Variants in ASIC2 observed in about 807,000 individuals in gnomAD.
ASIC2 encodes acid-sensing ion channel 2.
In ASIC2, 25 loss-of-function variants were observed where a neutral mutation model predicts 57.3. The observed-to-expected ratio is 0.44, with a 90% confidence interval of 0.32 to 0.61. The LOEUF is 0.61. Among genes scored for constraint, ASIC2 ranks in the 20% least tolerant of loss-of-function variants. The pLI is 0.06. For missense variants in ASIC2, 641 were observed against 738.1 expected, an observed-to-expected ratio of 0.87 and a Z score of 1.52; for synonymous variants, 319 against 307.5, an observed-to-expected ratio of 1.04 and a Z score of -0.39.
chr17:33,890,115 A>G (rs567790811), intron 1 of ASIC2, among the ~76,000 whole-genome samples: 1 of 152,322 alleles, frequency 6.6e-6, no homozygotes, highest in South Asian at 2.1e-4. Flanking sequence ...TTAAAAAAGT[A>G]AAAATTCCAT....
intron 1 of ASIC2, among the ~76,000 whole-genome samples, chr17:33,687,719 G>A (rs990316432): frequency 6.6e-6 from 1 of 152,190 alleles, no homozygotes; most frequent in African/African-American, 2.4e-5. Context: ...TTATTCATTG[G>A]ATGTAGTTTA....
chr17:33,418,549 G>C (rs1041386825), intron 1 of ASIC2, among the ~76,000 whole-genome samples: 6 of 152,130 alleles, frequency 3.9e-5, no homozygotes, highest in African/African-American at 1.4e-4. Flanking sequence ...TTTTGTATAA[G>C]GTGTAAGGAA....
At chr17:33,039,417 A>G (rs73984933) in intron 3 of ASIC2, among the ~76,000 whole-genome samples, 4,646 of 152,054 alleles carry the variant, frequency 0.031, 190 homozygotes, top group African/African-American at 0.098. Context: ...ACTATTTAAG[A>G]GCCTGTGCTC....
At chr17:33,430,223 G>A (rs982072419) in intron 1 of ASIC2, among the ~76,000 whole-genome samples, 1 of 152,126 alleles carries the variant, frequency 6.6e-6, no homozygotes, top group African/African-American at 2.4e-5. Flanking sequence ...CTGGGCCTCA[G>A]TGCCTTCTCT....
chr17:33,650,398 A>G (rs530888126), intron 1 of ASIC2, among the ~76,000 whole-genome samples: 16 of 152,332 alleles, frequency 1.1e-4, no homozygotes, highest in Admixed American at 1.0e-3. Context: ...GTAAAATGAC[A>G]CAGCTACCCT....
At chr17:33,478,522 G>A (rs990033801) in intron 1 of ASIC2, among the ~76,000 whole-genome samples, 10 of 152,206 alleles carry the variant, frequency 6.6e-5, no homozygotes, top group African/African-American at 2.4e-4. Flanking sequence ...GGTGGCCTGA[G>A]AGGTCGCTTC....
intron 1 of ASIC2, among the ~76,000 whole-genome samples, chr17:33,425,929 A>G (rs1485985379): frequency 6.6e-6 from 1 of 152,178 alleles, no homozygotes; most frequent in Non-Finnish European, 1.5e-5. Flanking sequence ...CGCAGCGCCA[A>G]CAAAAATGGC....
intron 3 of ASIC2, 49 bp downstream of exon 3, chr17:33,088,814 G>T (rs2092146035): frequency 1.9e-6 from 3 of 1,553,004 alleles, no homozygotes; most frequent in African/African-American, 2.7e-5. Context: ...CTCTGCAGGG[G>T]GTCGGGGGAG....
At chr17:33,287,394 C>G (rs1905238315) in intron 1 of ASIC2, among the ~76,000 whole-genome samples, 1 of 152,200 alleles carries the variant, frequency 6.6e-6, no homozygotes, top group East Asian at 1.9e-4. Context: ...TCTGTTCCAA[C>G]CCCCTGGTTC....
intron 1 of ASIC2, among the ~76,000 whole-genome samples, chr17:33,338,185 C>T (rs936951825): frequency 6.6e-6 from 1 of 151,450 alleles, no homozygotes; most frequent in African/African-American, 2.4e-5. Flanking sequence ...GGAAATGTTC[C>T]TTCTGAGGTG....
chr17:33,625,185 CT>C (rs1905942506), intron 1 of ASIC2, among the ~76,000 whole-genome samples: 2 of 149,184 alleles, frequency 1.3e-5, no homozygotes, highest in Non-Finnish European at 3.0e-5. Context: ...CATCTATTAT[CT>C]ATCTATTATC....
intron 1 of ASIC2, among the ~76,000 whole-genome samples, chr17:34,116,247 T>C (rs560337111): frequency 5.3e-5 from 8 of 152,330 alleles, no homozygotes; most frequent in Non-Finnish European, 1.0e-4. Flanking sequence ...GTATGTATAA[T>C]GTCAGAAAAA....
intron 1 of ASIC2, among the ~76,000 whole-genome samples, chr17:33,167,945 A>G (rs983183033): frequency 1.4e-4 from 22 of 152,370 alleles, no homozygotes; most frequent in Admixed American, 1.4e-3. Flanking sequence ...CTTTGGAACA[A>G]TATTAAGATG....
intron 1 of ASIC2, among the ~76,000 whole-genome samples, chr17:33,284,935 C>G (rs1040669417): frequency 6.6e-6 from 1 of 152,180 alleles, no homozygotes; most frequent in Non-Finnish European, 1.5e-5. Flanking sequence ...TGTTGCAAGC[C>G]TATTTACCAG....
chr17:34,095,563 G>C (rs1306637885), intron 1 of ASIC2, among the ~76,000 whole-genome samples: 9 of 145,912 alleles, frequency 6.2e-5, no homozygotes, highest in Non-Finnish European at 1.0e-4. Flanking sequence ...AATGAGATTG[G>C]TAGGAACCAG....
At chr17:33,589,528 A>T (rs1904760532) in intron 1 of ASIC2, among the ~76,000 whole-genome samples, 1 of 151,788 alleles carries the variant, frequency 6.6e-6, no homozygotes, top group African/African-American at 2.4e-5. Flanking sequence ...CCCATTTCCC[A>T]ATCACCCCAG....
chr17:33,557,303 T>A (rs1270104296), intron 1 of ASIC2, among the ~76,000 whole-genome samples: 2 of 152,148 alleles, frequency 1.3e-5, no homozygotes, highest in Non-Finnish European at 2.9e-5. Flanking sequence ...ATCTCAGAAA[T>A]TGTTTCCTAG....
At chr17:33,409,331 C>T (rs1910575843) in intron 1 of ASIC2, among the ~76,000 whole-genome samples, 1 of 152,222 alleles carries the variant, frequency 6.6e-6, no homozygotes, top group African/African-American at 2.4e-5. Context: ...AGTGGGGCAT[C>T]AGCACAGAAA....
chr17:33,388,232 G>A (rs1173092913), intron 1 of ASIC2, among the ~76,000 whole-genome samples: 1 of 152,258 alleles, frequency 6.6e-6, no homozygotes, highest in Non-Finnish European at 1.5e-5. Flanking sequence ...AGCTGAAAGA[G>A]GCGTGGAATC....
Sources: allele counts gnomAD v4.1 joint callset (sites outside exome capture counted in the v4.1 genomes callset), GRCh38; gene constraint gnomAD v4.1.1; transcripts MANE v1.5; gene names NCBI Gene and HGNC (gene_info 2026-07-23, HGNC 2026-07-21).